The following SNX29 variants were observed in gnomAD, a reference collection of about 807,000 sequenced individuals.
SNX29 encodes the protein sorting nexin 29.
Under a neutral mutation model 102.1 loss-of-function variants are expected in SNX29, and 78 were observed. That is an observed-to-expected ratio of 0.76 (90% confidence interval 0.64 to 0.92). The LOEUF is 0.92. Ranked by LOEUF, SNX29 falls within the 40% of genes least tolerant of loss-of-function variation. SNX29 has a pLI of 0.00. For missense variants in SNX29, 1,280 were observed against 1,061.7 expected (o/e 1.21, Z -2.86); for synonymous variants, 580 against 414.5 (o/e 1.40, Z -4.85).
intron 16 of SNX29, among the ~76,000 whole-genome samples, chr16:12,364,771 C>A (rs967904329): frequency 6.6e-6 from 1 of 152,178 alleles, no homozygotes; most frequent in Admixed American, 6.5e-5. Flanking sequence ...TGTCCCGTTT[C>A]TGATCACCTC....
At chr16:12,549,355 G>A (rs981322225) in intron 20 of SNX29, among the ~76,000 whole-genome samples, 4 of 152,136 alleles carry the variant, frequency 2.6e-5, no homozygotes, top group African/African-American at 9.7e-5. Flanking sequence ...ATTAGCCATG[G>A]GTGGTGGTGT....
chr16:12,130,181 T>TAA (rs1208590608), intron 13 of SNX29, among the ~76,000 whole-genome samples: 8 of 132,126 alleles, frequency 6.1e-5, no homozygotes, highest in African/African-American at 1.4e-4. Flanking sequence ...ACTTTTTAGT[T>TAA]AAAAAAAAAA....
chr16:12,207,826 A>T (rs1026642125), intron 14 of SNX29, among the ~76,000 whole-genome samples: 20 of 152,254 alleles, frequency 1.3e-4, no homozygotes, highest in African/African-American at 4.8e-4. Context: ...GCTTTTTGCT[A>T]TTATGGGTTA....
At chr16:11,977,216 C>A (rs1252936244) in intron 1 of SNX29, among the ~76,000 whole-genome samples, 1 of 152,142 alleles carries the variant, frequency 6.6e-6, no homozygotes, top group African/African-American at 2.4e-5. Context: ...GTCATCCCCG[C>A]TACCCAGGCC....
intron 13 of SNX29, among the ~76,000 whole-genome samples, chr16:12,162,213 G>A (rs1486833941): frequency 6.6e-6 from 1 of 152,136 alleles, no homozygotes. Context: ...TCCTTCTGAG[G>A]GTGTCCAGCC....
intron 14 of SNX29, among the ~76,000 whole-genome samples, chr16:12,210,353 G>A (rs1433975965): frequency 1.3e-5 from 2 of 151,296 alleles, no homozygotes; most frequent in Non-Finnish European, 2.9e-5. Flanking sequence ...AAAGACACAG[G>A]GTCTTGCTGT....
intron 20 of SNX29, among the ~76,000 whole-genome samples, chr16:12,531,117 C>G (rs565446981): frequency 1.5e-4 from 23 of 152,338 alleles, no homozygotes; most frequent in African/African-American, 3.1e-4. Flanking sequence ...CTAAAGCCCA[C>G]CCTCTCATAC....
chr16:12,218,510 G>C (rs1413171726), intron 14 of SNX29, among the ~76,000 whole-genome samples: 2 of 152,326 alleles, frequency 1.3e-5, no homozygotes, highest in East Asian at 1.9e-4. Context: ...GAGTTGAATA[G>C]TTCTTGCAGA....
chr16:12,038,830 T>C (rs2057549720), intron 4 of SNX29: 2 of 152,120 alleles, frequency 1.3e-5, no homozygotes, highest in South Asian at 2.1e-4. Context: ...GTACCGACAA[T>C]GGTCTGGGGT....
chr16:12,323,813 G>T (rs187622072), intron 15 of SNX29, among the ~76,000 whole-genome samples: 15 of 152,308 alleles, frequency 9.8e-5, no homozygotes, highest in African/African-American at 3.6e-4. Flanking sequence ...CTCCCTCCCA[G>T]AGATGTTGGG....
Position 12,098,652 on chromosome 16 carries a change from T to C in SNX29, c.1402+19737T>C, listed in dbSNP as rs1363076010. On this transcript the variant is annotated intron_variant, in intron 11 of 20. Transcript: ENST00000566228. The surrounding 1 kb of genome is among the most constrained non-coding windows in gnomAD (Gnocchi z 6.0). ...TCCTCTTTTGCCTGGGTCGTGCTTATTCATCCTGTAAGACACAGCTTAGGC... is the reference window on the plus strand; with the variant it reads ...TCCTCTTTTGCCTGGGTCGTGCTTACTCATCCTGTAAGACACAGCTTAGGC... Among the ~76,000 whole-genome samples the C allele has an allele frequency of 6.6e-6, 1 of 152,206 alleles. No individual in the cohort carries two copies. The highest frequency in any genetic ancestry group is 1.5e-5 in the Non-Finnish European group (1 of 68,024).
Position 12,037,446 on chromosome 16 carries a change from T to C in SNX29, c.248-5451T>C, listed in dbSNP as rs139506156. Among the ~76,000 whole-genome samples the C allele has an allele frequency of 3.0e-3, 464 of 152,150 alleles. 12 individuals are homozygous for C. In the East Asian group the frequency reaches 0.068, roughly 22 times the overall value. On this transcript the variant is annotated intron_variant, in intron 4 of 20. Coordinates refer to ENST00000566228, the MANE Select transcript of SNX29 (RefSeq NM_032167.5). Reference sequence around the variant, plus strand: ...GAGACACTCACTTTGGCCACAAAATTGAAGGCGGTACCAAAAAACTTATCA... The same window carrying C: ...GAGACACTCACTTTGGCCACAAAATCGAAGGCGGTACCAAAAAACTTATCA...
intron 15 of SNX29, among the ~76,000 whole-genome samples, chr16:12,321,078 C>T (rs1051044265): frequency 6.6e-6 from 1 of 152,104 alleles, no homozygotes; most frequent in Non-Finnish European, 1.5e-5. Flanking sequence ...TTACCACCAT[C>T]CCGGTTCCCT....
chr16:12,281,200 C>T (rs2079418970), intron 15 of SNX29, among the ~76,000 whole-genome samples: 2 of 152,192 alleles, frequency 1.3e-5, no homozygotes, highest in Non-Finnish European at 2.9e-5. Flanking sequence ...AAGTGTATGC[C>T]ATTGTGCCCA....
rs1368049065 is a variant in SNX29 at position 12,403,467 on chromosome 16, A to G, written c.1975A>G (p.Asn659Asp). ...GGTTAGATCAAACCGGGCGCTGATC[A>G]ACGTCTGGATCCCCTCAGTGTTTCT... ...DFEISNRALI[N>D]VWIPSVFLRG... Residue 659 changes from asparagine (N) to aspartate (D), a missense_variant, in exon 18 of 21, where the codon AAC becomes GAC. Transcript: ENST00000566228. 6.2e-7 allele frequency: 1 copy of G among 1,609,030 alleles called. No homozygotes were observed. Among genetic ancestry groups the G allele is most frequent in the Non-Finnish European group, 8.5e-7 (1 of 1,177,720 alleles).
chr16:12,064,210 G>A (rs563079430), intron 9 of SNX29, among the ~76,000 whole-genome samples: 2 of 152,024 alleles, frequency 1.3e-5, no homozygotes, highest in African/African-American at 4.8e-5. Flanking sequence ...TCAGACATCC[G>A]GGTCAGCTCC....
rs979772246 is a variant in SNX29, at chr16:12,570,506, G to C, written c.*1877G>C. On this transcript the variant is annotated 3_prime_UTR_variant, in exon 21 of 21. Coordinates refer to ENST00000566228, the MANE Select transcript of SNX29 (RefSeq NM_032167.5). ...TGTATGTCATGACCCCTTAGGTTGGGTTTATGCCACATCGGTCATTTTGAA... is the reference window on the plus strand; with the variant it reads ...TGTATGTCATGACCCCTTAGGTTGGCTTTATGCCACATCGGTCATTTTGAA... The C allele has an allele frequency of 8.6e-6, 2 of 232,838 alleles. No individual in the cohort carries two copies. The highest frequency in any genetic ancestry group is 3.6e-4 in the South Asian group (2 of 5,536). The allele number at this position is 232,838 out of a possible 1,614,324, so 14.4% of individuals were successfully genotyped here.
rs1377771431 is a variant in SNX29 at position 12,364,408 on chromosome 16, C to CTCT, written c.1899+8137_1899+8139dup. Among the ~76,000 whole-genome samples, 47 of 118,402 alleles carry CTCT rather than the reference C, an allele frequency of 4.0e-4. 2 individuals are homozygous for CTCT. Among genetic ancestry groups the CTCT allele is most frequent in the African/African-American group, 1.2e-3 (45 of 36,804 alleles). 77.7% of individuals were successfully genotyped at this position (118,402 alleles called of 152,430 possible). On this transcript the variant is annotated intron_variant, in intron 16 of 20. Coordinates refer to ENST00000566228, the MANE Select transcript of SNX29 (RefSeq NM_032167.5). ...TTGGGATTAAGGATTGAATTTTTCT[C>CTCT]TCTTCTTCTTTTTTTTTTTTTTTAC...
At chr16:12,122,782 G>A (rs1357617259) in intron 11 of SNX29, among the ~76,000 whole-genome samples, 2 of 151,970 alleles carry the variant, frequency 1.3e-5, no homozygotes, top group Non-Finnish European at 2.9e-5. Context: ...CACTGAGGCC[G>A]GGCTCCAACT....
Sources: gnomAD v4.1 joint callset for allele counts (sites outside exome capture counted in the v4.1 genomes callset) on GRCh38, gnomAD v4.1.1 for gene constraint, Gnocchi (gnomAD v3.1) non-coding constraint, MANE v1.5 for transcripts, NCBI Gene and HGNC (gene_info 2026-07-23, HGNC 2026-07-21) for gene names.